Variants in DLGAP1 observed in about 807,000 individuals in gnomAD.
The protein encoded by DLGAP1 is disks large-associated protein 1.
Under a neutral mutation model 90.8 loss-of-function variants are expected in DLGAP1, and 11 were observed. The ratio of observed to expected loss-of-function variants is 0.12; its 90% CI spans 0.08 to 0.20. DLGAP1 has a LOEUF of 0.20. DLGAP1 is among the 10% of genes least tolerant of loss of function. The pLI, the probability that DLGAP1 is intolerant of heterozygous loss-of-function variation, is 1.00. For missense variants in DLGAP1, 1,050 were observed against 1,333.8 expected (o/e 0.79, Z 3.31); for synonymous variants, 558 against 540.7 (o/e 1.03, Z -0.44).
intron 2 of DLGAP1, among the ~76,000 whole-genome samples, chr18:4,137,463 C>G (rs768297580): frequency 4.6e-5 from 7 of 152,050 alleles, no homozygotes; most frequent in Non-Finnish European, 1.0e-4. Context: ...TTTGTGGGTT[C>G]CCCATTCTGT....
chr18:4,001,819 G>T (rs16945808), intron 3 of DLGAP1, among the ~76,000 whole-genome samples: 41,571 of 151,982 alleles, frequency 0.27, 6,582 homozygotes, highest in South Asian at 0.45. Flanking sequence ...GGTTCTCTTG[G>T]GTTCACCCAC....
At chr18:4,350,600 A>C (rs540012462) in intron 1 of DLGAP1, among the ~76,000 whole-genome samples, 1 of 152,280 alleles carries the variant, frequency 6.6e-6, no homozygotes, top group East Asian at 1.9e-4. Flanking sequence ...ATTGCCAAGT[A>C]AAGTCATTTA....
intron 5 of DLGAP1, among the ~76,000 whole-genome samples, chr18:3,767,506 T>C (rs1345904845): frequency 2.6e-5 from 4 of 152,002 alleles, no homozygotes; most frequent in Non-Finnish European, 1.5e-5. Context: ...TATCAAAACA[T>C]TGGCAAATAG....
At chr18:4,089,833 C>A (rs1196536109) in intron 2 of DLGAP1, among the ~76,000 whole-genome samples, 1 of 152,148 alleles carries the variant, frequency 6.6e-6, no homozygotes, top group Non-Finnish European at 1.5e-5. Context: ...ATCACGAGGT[C>A]AGGAGATCGA....
intron 1 of DLGAP1, among the ~76,000 whole-genome samples, chr18:4,176,349 C>T (rs1021585222): frequency 3.3e-5 from 5 of 152,158 alleles, no homozygotes; most frequent in Non-Finnish European, 5.9e-5. Flanking sequence ...ATTGTATATC[C>T]TCTTCACTAG....
chr18:3,569,105 A>G (rs1459100300), intron 8 of DLGAP1, among the ~76,000 whole-genome samples: 2 of 150,992 alleles, frequency 1.3e-5, no homozygotes, highest in Non-Finnish European at 2.9e-5. Context: ...GGGTTCAAGC[A>G]ATTCTCCTGC....
intron 3 of DLGAP1, among the ~76,000 whole-genome samples, chr18:3,965,615 TTG>T (rs961002686): frequency 7.9e-5 from 12 of 152,054 alleles, no homozygotes; most frequent in African/African-American, 2.7e-4. Flanking sequence ...ACAAACATGC[TTG>T]TGTGTGTGTC....
intron 3 of DLGAP1, among the ~76,000 whole-genome samples, chr18:3,927,438 G>A (rs1262215526): frequency 1.3e-5 from 2 of 152,190 alleles, no homozygotes; most frequent in African/African-American, 2.4e-5. Context: ...CTTGTTAAAA[G>A]AATGAATAAT....
intron 2 of DLGAP1, among the ~76,000 whole-genome samples, chr18:4,150,379 C>T (rs1484203005): frequency 1.3e-5 from 2 of 151,982 alleles, no homozygotes; most frequent in African/African-American, 2.4e-5. Flanking sequence ...GTTTTCATTG[C>T]CTTTCTTTTG....
intron 1 of DLGAP1, among the ~76,000 whole-genome samples, chr18:4,278,763 T>C (rs937107823): frequency 9.9e-5 from 8 of 81,158 alleles, no homozygotes; most frequent in Admixed American, 3.4e-4. Context: ...CACACACACA[T>C]ATTTTATCTA....
intron 1 of DLGAP1, among the ~76,000 whole-genome samples, chr18:4,361,411 G>C (rs1180578665): frequency 6.6e-6 from 1 of 152,122 alleles, no homozygotes; most frequent in Non-Finnish European, 1.5e-5. Flanking sequence ...ACAGAATACA[G>C]GCCAATGGAA....
intron 3 of DLGAP1, among the ~76,000 whole-genome samples, chr18:3,929,605 T>C (rs963507288): frequency 6.6e-5 from 10 of 152,148 alleles, no homozygotes; most frequent in African/African-American, 2.4e-4. Context: ...GCAGAGTTTG[T>C]GGGTGTGTGT....
chr18:4,444,295 T>C (rs975924917), intron 1 of DLGAP1, among the ~76,000 whole-genome samples: 10 of 152,196 alleles, frequency 6.6e-5, no homozygotes, highest in Non-Finnish European at 1.5e-5. Flanking sequence ...AACTTACATT[T>C]TGAATGTTGC....
intron 2 of DLGAP1, among the ~76,000 whole-genome samples, chr18:4,115,949 T>C (rs1436388849): frequency 6.6e-6 from 1 of 152,236 alleles, no homozygotes; most frequent in Non-Finnish European, 1.5e-5. Flanking sequence ...TCAATTACAC[T>C]GTCTTTCTTA....
At chr18:4,325,116 T>C (rs945919258) in intron 1 of DLGAP1, among the ~76,000 whole-genome samples, 4 of 152,238 alleles carry the variant, frequency 2.6e-5, no homozygotes, top group Middle Eastern at 3.4e-3. Context: ...GAAAAACCCA[T>C]AGTCTTGGCC....
intron 2 of DLGAP1, among the ~76,000 whole-genome samples, chr18:4,006,140 T>A (rs181061212): frequency 1.3e-5 from 2 of 152,342 alleles, no homozygotes; most frequent in Admixed American, 6.5e-5. Flanking sequence ...TAATGCCTAA[T>A]GATGGACAGT....
chr18:3,702,830 G>A (rs892585628), intron 7 of DLGAP1, among the ~76,000 whole-genome samples: 1 of 152,152 alleles, frequency 6.6e-6, no homozygotes, highest in Non-Finnish European at 1.5e-5. Context: ...TGACAGGCTC[G>A]CTCCTGCAGC....
At chr18:3,508,534 C>T (rs749712073) in intron 11 of DLGAP1, 36 bp downstream of exon 11, 2 of 1,511,908 alleles carry the variant, frequency 1.3e-6, no homozygotes, top group South Asian at 1.2e-5. Context: ...TCTCATGGCA[C>T]TAGCAGGGAA....
intron 1 of DLGAP1, among the ~76,000 whole-genome samples, chr18:4,423,510 CA>C (rs1222107880): frequency 1.1e-4 from 17 of 152,082 alleles, no homozygotes; most frequent in Non-Finnish European, 1.9e-4. Flanking sequence ...CAACATTTTA[CA>C]ACAAAGTATA....
Sources: gnomAD v4.1 joint callset for allele counts (sites outside exome capture counted in the v4.1 genomes callset) on GRCh38, gnomAD v4.1.1 for gene constraint, MANE v1.5 for transcripts, NCBI Gene and HGNC (gene_info 2026-07-23, HGNC 2026-07-21) for gene names.